TOX2: variants seen among roughly 807,000 people sequenced by gnomAD.
TOX2 encodes TOX high mobility group box family member 2.
Under a neutral mutation model 47.4 loss-of-function variants are expected in TOX2, and 15 were observed. That is an observed-to-expected ratio of 0.32 (90% confidence interval 0.21 to 0.49). The LOEUF (loss-of-function observed/expected upper bound fraction) is 0.49. TOX2 is among the 20% of genes least tolerant of loss of function. The probability of loss-of-function intolerance (pLI) is 0.99; values close to 1 mark genes in which losing one functional copy is unlikely to be tolerated. For missense variants in TOX2, 622 were observed against 673.1 expected (o/e 0.92, Z 0.84); for synonymous variants, 290 against 296.6 (o/e 0.98, Z 0.23).
At chr20:44,018,464 C>G (rs1161068918) in intron 3 of TOX2, among the ~76,000 whole-genome samples, 1 of 152,194 alleles carries the variant, frequency 6.6e-6, no homozygotes, top group Non-Finnish European at 1.5e-5. Context: ...TGGCTCTTTC[C>G]TCCGAGTGCA....
intron 2 of TOX2, 24 bp from the exon 3 acceptor site, chr20:44,006,523 C>T (rs755088973): frequency 2.6e-5 from 41 of 1,592,322 alleles, no homozygotes; most frequent in Admixed American, 2.2e-4. Context: ...TGACCCCCAC[C>T]GACATGTCTT....
intron 3 of TOX2, among the ~76,000 whole-genome samples, chr20:44,032,477 G>A (rs952210223): frequency 4.6e-5 from 7 of 152,198 alleles, no homozygotes; most frequent in African/African-American, 1.7e-4. Flanking sequence ...GAGGCTGCTC[G>A]AGTGCTGAAG....
chr20:43,978,995 T>C (rs1363653041), intron 2 of TOX2, among the ~76,000 whole-genome samples: 1 of 152,036 alleles, frequency 6.6e-6, no homozygotes, highest in Non-Finnish European at 1.5e-5. Flanking sequence ...TTGACAGTGA[T>C]GGACATAGAG....
intron 3 of TOX2, among the ~76,000 whole-genome samples, chr20:44,045,103 GGGGGAAGAGAGGAAT>G (rs896599699): frequency 2.0e-5 from 3 of 152,146 alleles, no homozygotes; most frequent in African/African-American, 4.8e-5. Context: ...TTCCAGGGCT[GGGGGAAGAGAGGAAT>G]GGGGAGTTCT....
chr20:43,976,108 T>C (rs2070073562), intron 2 of TOX2, among the ~76,000 whole-genome samples: 1 of 152,246 alleles, frequency 6.6e-6, no homozygotes, highest in South Asian at 2.1e-4. Context: ...ATTTTGCAAT[T>C]GCAGTTAGAT....
At chr20:43,945,980 G>C (rs553285847) in intron 1 of TOX2, 6 of 1,614,152 alleles carry the variant, frequency 3.7e-6, no homozygotes, top group Admixed American at 3.3e-5. Context: ...TGTGGAATGA[G>C]ACTCGGGCTC....
At chr20:44,038,929 C>G in intron 3 of TOX2, 1 of 1,182,002 alleles carries the variant, frequency 8.5e-7, no homozygotes, top group Non-Finnish European at 1.1e-6. Context: ...CATTCACAGC[C>G]GCCTCGTTCC....
At chr20:43,976,285 A>G (rs1236862041) in intron 2 of TOX2, among the ~76,000 whole-genome samples, 1 of 152,214 alleles carries the variant, frequency 6.6e-6, no homozygotes, top group Non-Finnish European at 1.5e-5. Flanking sequence ...AGCAGCAGCA[A>G]TACATTGCCA....
rs147446046 is a variant in TOX2 at position 44,042,939 on chromosome 20, G to A, written c.412-8367G>A. ...TAGTGCCTGGGGTTGTAAGGGAAAGGGAGAAGTCAGGGTTTCTGTTCAGGT... is the reference window on the plus strand; with the variant it reads ...TAGTGCCTGGGGTTGTAAGGGAAAGAGAGAAGTCAGGGTTTCTGTTCAGGT... On this transcript the variant is annotated intron_variant, in intron 3 of 8. Transcript: ENST00000341197. 2.0e-5 allele frequency among the ~76,000 whole-genome samples: 3 copies of A among 152,344 alleles called. No individual in the cohort carries two copies. In the East Asian group the frequency reaches 5.8e-4, roughly 29 times the overall value.
At chr20:43,972,963 CCTCCCCCAGCACAT>C (rs972631954) in intron 1 of TOX2, among the ~76,000 whole-genome samples, 9 of 152,204 alleles carry the variant, frequency 5.9e-5, no homozygotes, top group Non-Finnish European at 1.5e-5. Flanking sequence ...GTGTTCTTGG[CCTCCCCCAGCACAT>C]GGGATTCCAG....
At chr20:44,066,161 G>A (rs529673761) in intron 7 of TOX2, 54 bp downstream of exon 7, 30 of 1,469,822 alleles carry the variant, frequency 2.0e-5, no homozygotes, top group African/African-American at 2.0e-4. Context: ...GAGGGGAAGC[G>A]GCTTTGCCCT....
chr20:43,965,006 C>T (rs935320442), intron 1 of TOX2, among the ~76,000 whole-genome samples: 6 of 152,190 alleles, frequency 3.9e-5, no homozygotes, highest in African/African-American at 1.4e-4. Flanking sequence ...GCCTTTGTCA[C>T]ATGTGTCAAA....
At chr20:44,015,606 C>G (rs774615612) in intron 3 of TOX2, among the ~76,000 whole-genome samples, 8 of 152,116 alleles carry the variant, frequency 5.3e-5, no homozygotes, top group Non-Finnish European at 1.2e-4. Flanking sequence ...AAATAGATGA[C>G]CGATAAGGAA....
intron 3 of TOX2, among the ~76,000 whole-genome samples, chr20:44,010,741 A>G (rs2070765340): frequency 6.6e-6 from 1 of 152,170 alleles, no homozygotes; most frequent in Non-Finnish European, 1.5e-5. Flanking sequence ...CAAGAAGCAA[A>G]CCGAGGGATA....
In TOX2 at chr20:44,014,128, CAA is replaced by C. The variant is rs55721806; in HGVS notation, c.411+7362_411+7363del. On this transcript the variant is annotated intron_variant, in intron 3 of 8. Coordinates refer to ENST00000341197, the MANE Select transcript of TOX2 (RefSeq NM_001098797.2). ...CGTGGGTGACAGAGTGAGACTATCTCAAAAAAAAAAAAAAAAAAAAAAAAAAA... is the reference window on the plus strand; with the variant it reads ...CGTGGGTGACAGAGTGAGACTATCTCAAAAAAAAAAAAAAAAAAAAAAAAA... Among the ~76,000 whole-genome samples the C allele has an allele frequency of 4.4e-3, 238 of 53,552 alleles. 1 individual carries two copies. Among genetic ancestry groups the C allele is most frequent in the African/African-American group, 0.01 (134 of 13,364 alleles). 35.1% of individuals were successfully genotyped at this position (53,552 alleles called of 152,430 possible). A position where few individuals can be genotyped will look rare whatever the true frequency, so the allele number is the denominator to read the frequency against.
At chr20:43,976,670 C>T (rs2070081981) in intron 2 of TOX2, among the ~76,000 whole-genome samples, 1 of 152,160 alleles carries the variant, frequency 6.6e-6, no homozygotes, top group Non-Finnish European at 1.5e-5. Context: ...CCTATAGCTC[C>T]TTGCAGCTCA....
intron 2 of TOX2, among the ~76,000 whole-genome samples, chr20:43,988,335 C>T (rs1044360915): frequency 6.6e-6 from 1 of 152,178 alleles, no homozygotes; most frequent in Non-Finnish European, 1.5e-5. Context: ...GTCTAAGTTT[C>T]TCTGGGCACA....
At chr20:43,937,733 C>T (rs1046747346) in intron 1 of TOX2, among the ~76,000 whole-genome samples, 2 of 152,160 alleles carry the variant, frequency 1.3e-5, no homozygotes, top group Non-Finnish European at 2.9e-5. Context: ...CTGGGGGCGA[C>T]CGCAGCATCG....
intron 1 of TOX2, among the ~76,000 whole-genome samples, chr20:43,965,191 C>T (rs907582472): frequency 1.2e-4 from 19 of 152,028 alleles, no homozygotes; most frequent in Admixed American, 8.5e-4. Flanking sequence ...TGGCTGTCTC[C>T]GTGGTGGACA....
Sources: allele counts gnomAD v4.1 joint callset (sites outside exome capture counted in the v4.1 genomes callset), GRCh38; gene constraint gnomAD v4.1.1; transcripts MANE v1.5; gene names NCBI Gene and HGNC (gene_info 2026-07-23, HGNC 2026-07-21).